The following VPS33A variants were observed in gnomAD, a reference collection of about 807,000 sequenced individuals.
VPS33A encodes the protein vacuolar protein sorting-associated protein 33A.
VPS33A carries 32 observed loss-of-function variants against 71.8 expected under a neutral mutation model. That is an observed-to-expected ratio of 0.45 (90% CI 0.34 to 0.60). The LOEUF is 0.60. Ranked by LOEUF, VPS33A falls within the 20% of genes least tolerant of loss-of-function variation. VPS33A has a pLI of 0.02. For synonymous variants in VPS33A, 311 were observed against 292.7 expected, an observed-to-expected ratio of 1.06 and a Z score of -0.64; for missense variants, 625 against 748.5, an observed-to-expected ratio of 0.84 and a Z score of 1.92.
intron 11 of VPS33A, among the ~76,000 whole-genome samples, chr12:122,233,834 C>T (rs919500307): frequency 6.6e-6 from 1 of 151,862 alleles, no homozygotes; most frequent in Admixed American, 6.6e-5. Context: ...CTTCAAGATC[C>T]TTTGTTAAGT....
Position 122,259,187 on chromosome 12 carries a change from G to GTGTATGTATGTA in VPS33A, c.483+2062_483+2073dup, listed in dbSNP as rs71082954. Among the ~76,000 whole-genome samples the GTGTATGTATGTA allele has an allele frequency of 2.0e-3, 290 of 144,744 alleles. 1 individual carries two copies. The highest frequency in any genetic ancestry group is 3.1e-3 in the Admixed American group (44 of 14,148). 95.0% of individuals were successfully genotyped at this position (144,744 alleles called of 152,430 possible). A position where few individuals can be genotyped will look rare whatever the true frequency, so the allele number is the denominator to read the frequency against. ...GGGGTGTGTGTGTGTGTATGTATGT[G>GTGTATGTATGTA]TGTATGTATGTATGTATGTATGTAT... On this transcript the variant is annotated intron_variant, in intron 4 of 12. Transcript: ENST00000267199.
chr12:122,264,053 AG>A, intron 2 of VPS33A, 80 bp downstream of exon 2: 1 of 1,241,994 alleles, frequency 8.1e-7, no homozygotes, highest in Non-Finnish European at 1.1e-6. Context: ...CCAATGATTC[AG>A]GAAGAAATAT....
At chr12:122,246,137 C>G (rs1026505039) in intron 6 of VPS33A, among the ~76,000 whole-genome samples, 1 of 152,046 alleles carries the variant, frequency 6.6e-6, no homozygotes, top group African/African-American at 2.4e-5. Context: ...GTACCAAGTG[C>G]CTTTCACCCC....
chr12:122,235,891 G>A lies in VPS33A; in HGVS notation c.1335C>T (p.His445=), dbSNP rs2136123164. ...TCAGCAGGCCGGCCTTCTCCAGGTTGTGTAAGGTCAATATGTGCTCATAGC... is the reference window on the plus strand; with the variant it reads ...TCAGCAGGCCGGCCTTCTCCAGGTTATGTAAGGTCAATATGTGCTCATAGC... The part of the protein sequence containing the change: ...TYGYEHILTL[H]NLEKAGLLKP... Residue 445 remains histidine, a synonymous_variant, in exon 11 of 13, where the codon CAC becomes CAT. Coordinates refer to ENST00000267199, the MANE Select transcript of VPS33A (RefSeq NM_022916.6). 1 of 1,613,724 alleles carries A rather than the reference G, an allele frequency of 6.2e-7. No homozygotes were observed. The highest frequency in any genetic ancestry group is 1.3e-5 in the African/African-American group (1 of 75,008).
At chr12:122,248,899 G>A (rs1460147297) in intron 6 of VPS33A, 1 of 152,204 alleles carries the variant, frequency 6.6e-6, no homozygotes, top group Non-Finnish European at 1.5e-5. Flanking sequence ...CAACTCTTGT[G>A]TCACCGACAA....
At chr12:122,254,397 C>A (rs1256684150) in intron 4 of VPS33A, among the ~76,000 whole-genome samples, 1 of 114,404 alleles carries the variant, frequency 8.7e-6, no homozygotes, top group Admixed American at 8.3e-5. Flanking sequence ...CCCAATCCAC[C>A]CCCCCGCCTT....
intron 3 of VPS33A, among the ~76,000 whole-genome samples, chr12:122,262,241 ACTCT>A (rs1302301061): frequency 6.6e-6 from 1 of 151,544 alleles, no homozygotes; most frequent in Non-Finnish European, 1.5e-5. Flanking sequence ...AGCTGTACCC[ACTCT>A]CTCTCTCTTT....
At position 122,266,474 on chromosome 12, in the gene VPS33A, G is replaced by A. The variant is rs35037730; in HGVS notation, c.-66C>T. ...CGCCGGTTCCTACGGGAGGACCACG[G>A]ACGCAGTCACGTGACCAAACGTCCA... On this transcript the variant is annotated 5_prime_UTR_variant, in exon 1 of 13. Transcript: ENST00000267199. 0.054 allele frequency: 83,899 copies of A among 1,567,670 alleles called. 2,692 individuals carry two copies. The highest frequency in any genetic ancestry group is 0.064 in the Non-Finnish European group (73,703 of 1,150,798).
At chr12:122,263,412 AG>A (rs1272990610) in intron 3 of VPS33A, among the ~76,000 whole-genome samples, 159 bp downstream of exon 3, 1 of 151,962 alleles carries the variant, frequency 6.6e-6, no homozygotes, top group African/African-American at 2.4e-5. Flanking sequence ...ACCTCCCCCC[AG>A]CCCCCATCTT....
In VPS33A at chr12:122,235,870, C is replaced by A. The variant is rs758332171; in HGVS notation, c.1356G>T (p.Leu452=). Residue 452 remains leucine (L), a synonymous_variant, in exon 11 of 13, where the codon CTG becomes CTT. Coordinates refer to ENST00000267199, the MANE Select transcript of VPS33A (RefSeq NM_022916.6). ...LTLHNLEKAG[L]LKPQTGGRNN... is the part of the protein sequence containing the mutation. Reference sequence around the variant, plus strand: ...TTCTGCCCCCCGTCTGCGGTTTCAGCAGGCCGGCCTTCTCCAGGTTGTGTA... The same window carrying A: ...TTCTGCCCCCCGTCTGCGGTTTCAGAAGGCCGGCCTTCTCCAGGTTGTGTA... 6.2e-6 allele frequency: 10 copies of A among 1,613,538 alleles called. No homozygotes were observed. In the East Asian group the frequency reaches 2.2e-4, roughly 36 times the overall value.
chr12:122,233,340 C>T (rs1338558772), intron 11 of VPS33A, among the ~76,000 whole-genome samples: 1 of 152,072 alleles, frequency 6.6e-6, no homozygotes, highest in Non-Finnish European at 1.5e-5. Context: ...ATTCTCCTGC[C>T]TCAGGCTCCC....
intron 11 of VPS33A, among the ~76,000 whole-genome samples, chr12:122,235,120 C>G (rs954746024): frequency 6.6e-6 from 1 of 151,912 alleles, no homozygotes; most frequent in Non-Finnish European, 1.5e-5. Flanking sequence ...AAGGCTCATA[C>G]TACCACTGGC....
At position 122,242,688 on chromosome 12, in the gene VPS33A, G is replaced by C. The variant is rs1361245402; in HGVS notation, c.970-180C>G. Among the ~76,000 whole-genome samples the C allele has an allele frequency of 3.3e-5, 5 of 152,274 alleles. No homozygotes were observed. The South Asian group carries it at 1.0e-3, about 32-fold the overall frequency. The stretch of plus-strand genomic sequence containing the variant: ...ATGCCTCAGCCTCCCGAGTAGCTGG[G>C]ATTACAGGTGCCCACCACCATGCCC... On this transcript the variant is annotated intron_variant, in intron 7 of 12. Coordinates refer to ENST00000267199, the MANE Select transcript of VPS33A (RefSeq NM_022916.6).
Position 122,232,049 on chromosome 12 carries a change from T to C in VPS33A, c.*197A>G. The C allele has an allele frequency of 3.7e-6, 2 of 537,730 alleles. No individual in the cohort carries two copies. The highest frequency in any genetic ancestry group is 6.4e-5 in the East Asian group (2 of 31,246). The allele number at this position is 537,730 out of a possible 1,614,324, so 33.3% of individuals were successfully genotyped here. The stretch of plus-strand genomic sequence containing the variant: ...TCTAGTCTGGGTGACAGAGCAAGAC[T>C]CCGTCTCAAAGGAAAAAAAAAAAGG... On this transcript the variant is annotated 3_prime_UTR_variant, in exon 13 of 13. Coordinates refer to ENST00000267199, the MANE Select transcript of VPS33A (RefSeq NM_022916.6).
At chr12:122,259,908 C>T (rs1954970088) in intron 4 of VPS33A, among the ~76,000 whole-genome samples, 3 of 151,722 alleles carry the variant, frequency 2.0e-5, no homozygotes, top group Non-Finnish European at 4.4e-5. Context: ...CCAGGTGTGG[C>T]GGCACATGCC....
intron 7 of VPS33A, among the ~76,000 whole-genome samples, chr12:122,243,138 C>G (rs1042119139): frequency 2.0e-5 from 3 of 152,046 alleles, no homozygotes; most frequent in Non-Finnish European, 4.4e-5. Context: ...CTATATAAAC[C>G]ATACAAATTT....
intron 9 of VPS33A, 54 bp downstream of exon 9, chr12:122,239,824 T>G: frequency 1.6e-6 from 2 of 1,237,766 alleles, no homozygotes; most frequent in Non-Finnish European, 2.3e-6. Flanking sequence ...GGCTATAATC[T>G]GAGGTTTAAT....
At chr12:122,264,232 G>T (rs773809304) in intron 1 of VPS33A, 33 bp from the exon 2 acceptor site, 23 of 1,451,954 alleles carry the variant, frequency 1.6e-5, no homozygotes, top group Non-Finnish European at 1.9e-5. Flanking sequence ...TCTTATTATA[G>T]TTAATATCAG....
chr12:122,232,536 A>C, intron 12 of VPS33A, 109 bp from the exon 13 acceptor site: 1 of 1,207,024 alleles, frequency 8.3e-7, no homozygotes, highest in Non-Finnish European at 1.1e-6. Context: ...CTTCATCCAG[A>C]CAGTTCATCT....
Sources: gnomAD v4.1 joint callset for allele counts (sites outside exome capture counted in the v4.1 genomes callset) on GRCh38, gnomAD v4.1.1 for gene constraint, MANE v1.5 for transcripts, NCBI Gene and HGNC (gene_info 2026-07-23, HGNC 2026-07-21) for gene names.